The following CNTN5 variants were observed in gnomAD, a reference collection of about 807,000 sequenced individuals.
CNTN5 encodes contactin 5, also known as contactin-5.
Under a neutral mutation model 129.1 loss-of-function variants are expected in CNTN5, and 77 were observed. The ratio of observed to expected loss-of-function variants is 0.60; its 90% CI spans 0.50 to 0.72. The LOEUF (loss-of-function observed/expected upper bound fraction) is 0.72. Among genes scored for constraint, CNTN5 ranks in the 30% least tolerant of loss-of-function variants. CNTN5 has a pLI of 0.00. For missense variants in CNTN5, 1,478 were observed against 1,328.8 expected (o/e 1.11, Z -1.75); for synonymous variants, 509 against 465.6 (o/e 1.09, Z -1.20).
At position 100,196,603 on chromosome 11, in the gene CNTN5, T is replaced by A. The variant is rs142441332; in HGVS notation, c.1884+2940T>A. On this transcript the variant is annotated intron_variant, in intron 15 of 24. Coordinates refer to ENST00000524871, the MANE Select transcript of CNTN5 (RefSeq NM_014361.4). ...ATGATCACATCAGGCTAAAAAATAA[T>A]AGTATTGCTTTAAATTAAAAATTAA... Among the ~76,000 whole-genome samples the A allele has an allele frequency of 5.8e-3, 878 of 152,138 alleles. 6 individuals carry two copies. Among genetic ancestry groups the A allele is most frequent in the African/African-American group, 0.02 (843 of 41,532 alleles).
intron 6 of CNTN5, among the ~76,000 whole-genome samples, chr11:99,901,697 C>T (rs1025849057): frequency 6.6e-6 from 1 of 151,884 alleles, no homozygotes; most frequent in Non-Finnish European, 1.5e-5. Context: ...CTATTAAGTA[C>T]CTAATATGGT....
At chr11:99,094,812 T>G (rs532541670) in intron 1 of CNTN5, among the ~76,000 whole-genome samples, 1 of 151,878 alleles carries the variant, frequency 6.6e-6, no homozygotes, top group South Asian at 2.1e-4. Flanking sequence ...TAAAGTTGTG[T>G]GTGATCAAGA....
chr11:100,258,461 A>G (rs187998099), intron 17 of CNTN5, among the ~76,000 whole-genome samples: 19 of 152,308 alleles, frequency 1.2e-4, no homozygotes, highest in Admixed American at 1.0e-3. Context: ...CTCCTCAAGA[A>G]GAGAAACCCC....
chr11:99,407,575 G>C (rs1019258708), intron 2 of CNTN5, among the ~76,000 whole-genome samples: 31 of 152,244 alleles, frequency 2.0e-4, no homozygotes, highest in Middle Eastern at 3.4e-3. Context: ...GTCTCAGTAG[G>C]TCATGTCCCT....
intron 16 of CNTN5, among the ~76,000 whole-genome samples, chr11:100,230,399 C>T (rs1949464269): frequency 6.6e-6 from 1 of 152,082 alleles, no homozygotes; most frequent in African/African-American, 2.4e-5. Context: ...CACTGAAAAG[C>T]AGTTGTTTCT....
At position 99,743,469 on chromosome 11, in the gene CNTN5, C is replaced by T. The variant is rs192054400; in HGVS notation, c.56-76075C>T. 1.1e-4 allele frequency among the ~76,000 whole-genome samples: 16 copies of T among 152,258 alleles called. 1 individual carries two copies. The East Asian group carries it at 2.3e-3, about 22-fold the overall frequency. ...TCACTGTCCCATAAAAACTGTGTGT[C>T]GCCTGAACAAGTTATTAACCCTCCT... On this transcript the variant is annotated intron_variant, in intron 3 of 24. Transcript: ENST00000524871.
chr11:99,036,032 C>T (rs1487039072), intron 1 of CNTN5, among the ~76,000 whole-genome samples: 2 of 151,968 alleles, frequency 1.3e-5, no homozygotes, highest in Admixed American at 1.3e-4. Flanking sequence ...ACTTATGAAG[C>T]TTAGTTTGGC....
At chr11:99,894,005 T>G (rs954521734) in intron 6 of CNTN5, among the ~76,000 whole-genome samples, 10 of 152,092 alleles carry the variant, frequency 6.6e-5, no homozygotes, top group Non-Finnish European at 1.5e-4. Flanking sequence ...AGGGTTTTTT[T>G]TTTCCAAAAG....
At chr11:99,646,056 G>T (rs531888636) in intron 3 of CNTN5, among the ~76,000 whole-genome samples, 3 of 152,274 alleles carry the variant, frequency 2.0e-5, no homozygotes, top group African/African-American at 7.2e-5. Context: ...AGTCACTAGT[G>T]CAGTTAATTT....
At position 100,206,591 on chromosome 11, in the gene CNTN5, T is replaced by C. The variant is rs79081035; in HGVS notation, c.1884+12928T>C. Among the ~76,000 whole-genome samples the C allele has an allele frequency of 2.4e-4, 36 of 152,248 alleles. No homozygotes were observed. In the East Asian group the frequency reaches 5.4e-3, roughly 23 times the overall value. ...GAAGCTTTCTGTGGTATAGATAAAA[T>C]AGAAATTATTACAACTGTAACACTC... On this transcript the variant is annotated intron_variant, in intron 15 of 24. Coordinates refer to ENST00000524871, the MANE Select transcript of CNTN5 (RefSeq NM_014361.4).
chr11:99,130,147 CA>C (rs71046662), intron 1 of CNTN5, among the ~76,000 whole-genome samples: 137,179 of 151,872 alleles, frequency 0.9, 62,142 homozygotes, highest in East Asian at 0.99. Flanking sequence ...CTAAATGCCC[CA>C]ATTAAAATAC....
rs1351621208 is a variant in CNTN5, at chr11:99,026,432, G to A, written c.-210+5162G>A. On this transcript the variant is annotated intron_variant, in intron 1 of 24. Transcript: ENST00000524871. ...AATGATAAGAATTTCAAAAGTTATGGCATTGATAAGAGAATTGAAACTCTA... is the reference window on the plus strand; with the variant it reads ...AATGATAAGAATTTCAAAAGTTATGACATTGATAAGAGAATTGAAACTCTA... Among the ~76,000 whole-genome samples, 6 of 151,362 alleles carry A rather than the reference G, an allele frequency of 4.0e-5. No individual in the cohort carries two copies. The East Asian group carries it at 1.2e-3, about 29-fold the overall frequency.
intron 6 of CNTN5, among the ~76,000 whole-genome samples, chr11:99,855,275 C>T (rs929579450): frequency 2.0e-5 from 3 of 152,064 alleles, no homozygotes; most frequent in African/African-American, 7.2e-5. Flanking sequence ...TGCACTGTAG[C>T]CTGTGCAGTA....
At chr11:100,248,029 T>C (rs1949884264) in intron 16 of CNTN5, among the ~76,000 whole-genome samples, 1 of 152,162 alleles carries the variant, frequency 6.6e-6, no homozygotes, top group African/African-American at 2.4e-5. Context: ...GCTTCCATGA[T>C]TGATTGCCAT....
chr11:99,067,228 A>G (rs1456638988), intron 1 of CNTN5, among the ~76,000 whole-genome samples: 1 of 152,150 alleles, frequency 6.6e-6, no homozygotes, highest in Non-Finnish European at 1.5e-5. Flanking sequence ...GCATTCTTTT[A>G]GTTTTTGAAA....
At position 99,978,013 on chromosome 11, in the gene CNTN5, C is replaced by T. The variant is rs371901678; in HGVS notation, c.877+21004C>T. 9.5e-4 allele frequency among the ~76,000 whole-genome samples: 145 copies of T among 152,284 alleles called. 1 individual carries two copies. Among genetic ancestry groups the T allele is most frequent in the East Asian group, 2.5e-3 (13 of 5,178 alleles). On this transcript the variant is annotated intron_variant, in intron 8 of 24. Coordinates refer to ENST00000524871, the MANE Select transcript of CNTN5 (RefSeq NM_014361.4). ...TAGCAATGTTTCAGTCAGTGATGGA[C>T]CACATATATGACAGTGGTCTCATGA...
At chr11:99,103,764 C>CA (rs35274552) in intron 1 of CNTN5, among the ~76,000 whole-genome samples, 1,404 of 128,642 alleles carry the variant, frequency 0.011, 20 homozygotes, top group African/African-American at 0.031. Flanking sequence ...AGGTGTCCTT[C>CA]AAAAAAAAAA....
At chr11:99,999,478 A>G (rs1300690209) in intron 8 of CNTN5, among the ~76,000 whole-genome samples, 1 of 152,204 alleles carries the variant, frequency 6.6e-6, no homozygotes, top group Non-Finnish European at 1.5e-5. Context: ...CACCAGTTAG[A>G]ATGGCGATCA....
chr11:99,025,336 G>A (rs1863064883), intron 1 of CNTN5, among the ~76,000 whole-genome samples: 1 of 151,776 alleles, frequency 6.6e-6, no homozygotes, highest in Admixed American at 6.6e-5. Flanking sequence ...TTTTAGGCAA[G>A]GAATATTTCA....
Sources: gnomAD v4.1 joint callset for allele counts (sites outside exome capture counted in the v4.1 genomes callset) on GRCh38, gnomAD v4.1.1 for gene constraint, MANE v1.5 for transcripts, NCBI Gene and HGNC (gene_info 2026-07-23, HGNC 2026-07-21) for gene names.